ZNF354C: variants seen among roughly 807,000 people sequenced by gnomAD.
The protein encoded by ZNF354C is zinc finger protein 354C, also known as KRAB-zinc finger protein synten.
A neutral mutation model predicts 12.4 loss-of-function variants in ZNF354C; 7 were observed. The observed-to-expected ratio is 0.56, with a 90% CI of 0.32 to 1.06. The LOEUF is 1.06. Ranked by LOEUF, ZNF354C falls within the 50% of genes least tolerant of loss-of-function variation. ZNF354C has a pLI of 0.04. For missense variants in ZNF354C, 609 were observed against 658.0 expected (o/e 0.93, Z 0.81); for synonymous variants, 202 against 224.5 (o/e 0.90, Z 0.90).
intron 2 of ZNF354C, among the ~76,000 whole-genome samples, chr5:179,071,991 CAG>C (rs1303839720): frequency 3.3e-5 from 5 of 152,080 alleles, no homozygotes; most frequent in African/African-American, 1.2e-4. Context: ...TAACAAAATC[CAG>C]AGTTTCTACA....
chr5:179,072,603 G>C (rs184414569), intron 2 of ZNF354C, among the ~76,000 whole-genome samples: 4 of 152,154 alleles, frequency 2.6e-5, no homozygotes, highest in African/African-American at 9.6e-5. Flanking sequence ...TAAATACAAA[G>C]GAAGTCACAG....
chr5:179,069,561 CAAAAAAAAA>C (rs761235131), intron 2 of ZNF354C, among the ~76,000 whole-genome samples: 5 of 77,648 alleles, frequency 6.4e-5, no homozygotes, highest in African/African-American at 2.6e-4. Flanking sequence ...GACTCCATCT[CAAAAAAAAA>C]AAAAAAAAAG....
chr5:179,077,051 A>G lies in ZNF354C; in HGVS notation c.155-20A>G. On this transcript the variant is annotated intron_variant, in intron 3 of 4. Transcript: ENST00000315475. ...TCTTCATGCTATTTGTTCAAACTTC[A>G]TTTGCTTCCTCATGAGCAGGGATTC... is the stretch of plus-strand genomic sequence containing the variant. The G allele has an allele frequency of 1.2e-6, 2 of 1,610,238 alleles. No homozygotes were observed. The highest frequency in any genetic ancestry group is 1.7e-6 in the Non-Finnish European group (2 of 1,176,948).
In ZNF354C at chr5:179,080,324, A is replaced by T. The variant is rs1471778293; in HGVS notation, c.*227A>T. 1 of 292,368 alleles carries T rather than the reference A, an allele frequency of 3.4e-6. No homozygotes were observed. The highest frequency in any genetic ancestry group is 6.2e-6 in the Non-Finnish European group (1 of 160,164). 18.1% of individuals were successfully genotyped at this position (292,368 alleles called of 1,614,324 possible). A position where few individuals can be genotyped will look rare whatever the true frequency, so the allele number is the denominator to read the frequency against. On this transcript the variant is annotated 3_prime_UTR_variant, in exon 5 of 5. Transcript: ENST00000315475. The stretch of plus-strand genomic sequence containing the variant: ...CTAAAAACCTATGAGTATTTAATTC[A>T]TAGAAAAAATGTAAAAGGTCTTTTT...
chr5:179,069,576 AAAAG>A (rs1358190190), intron 2 of ZNF354C, among the ~76,000 whole-genome samples: 8 of 149,914 alleles, frequency 5.3e-5, no homozygotes, highest in Non-Finnish European at 8.9e-5. Flanking sequence ...AAAAAAAAAA[AAAAG>A]AAAGGCCGGG....
rs35150890 is a variant in ZNF354C at position 179,064,517 on chromosome 5, C to T, written c.27+2422C>T. ...CTGCAAGCTCCGCCTCCCGGGTTCACGCCATTCTCCTGCCTCAGCCTCCCG... is the reference window on the plus strand; with the variant it reads ...CTGCAAGCTCCGCCTCCCGGGTTCATGCCATTCTCCTGCCTCAGCCTCCCG... On this transcript the variant is annotated intron_variant, in intron 2 of 4. Coordinates refer to ENST00000315475, the MANE Select transcript of ZNF354C (RefSeq NM_014594.3). 1.3e-3 allele frequency among the ~76,000 whole-genome samples: 193 copies of T among 152,000 alleles called. 2 individuals are homozygous for T. Among genetic ancestry groups the T allele is most frequent in the Middle Eastern group, 3.4e-3 (1 of 292 alleles).
At position 179,060,932 on chromosome 5, in the gene ZNF354C, C is replaced by T. The variant is rs1009928345; in HGVS notation, c.-55+266C>T. ...GAGGCAGAGTGGCGAGGTCATTGCC[C>T]CAGATGTAACTGGGGCCTGGGGCTA... is the stretch of plus-strand genomic sequence containing the variant. On this transcript the variant is annotated intron_variant, in intron 1 of 4. Transcript: ENST00000315475. This position sits in a 1 kb window ranked among gnomAD's most constrained non-coding sequence, Gnocchi z 4.2. 7.9e-5 allele frequency among the ~76,000 whole-genome samples: 12 copies of T among 152,176 alleles called. No individual in the cohort carries two copies. Among genetic ancestry groups the T allele is most frequent in the African/African-American group, 2.9e-4 (12 of 41,448 alleles).
rs1442119743 is a variant in ZNF354C at position 179,080,001 on chromosome 5, C to CT, written c.1570dup (p.Tyr524LeufsTer2). 1 of 1,613,758 alleles carries CT rather than the reference C, an allele frequency of 6.2e-7. No homozygotes were observed. Among genetic ancestry groups the CT allele is most frequent in the Non-Finnish European group, 8.5e-7 (1 of 1,179,918 alleles). On this transcript the variant is annotated frameshift_variant, in exon 5 of 5. Coordinates refer to ENST00000315475, the MANE Select transcript of ZNF354C (RefSeq NM_014594.3). LOFTEE classifies it low-confidence loss of function (END_TRUNC). ...AAAAAGTTCACACGAAAGAGAAACTCTATAAGTGGAAGGAATATGGGAAAC... is the reference window on the plus strand; with the variant it reads ...AAAAAGTTCACACGAAAGAGAAACTCTTATAAGTGGAAGGAATATGGGAAAC...
rs1014474856 is a variant in ZNF354C, at chr5:179,080,174, T to C, written c.*77T>C. The C allele has an allele frequency of 1.1e-5, 12 of 1,134,970 alleles. No individual in the cohort carries two copies. The highest frequency in any genetic ancestry group is 1.5e-5 in the Non-Finnish European group (12 of 809,910). 70.3% of individuals were successfully genotyped at this position (1,134,970 alleles called of 1,614,324 possible). On this transcript the variant is annotated 3_prime_UTR_variant, in exon 5 of 5. Transcript: ENST00000315475. Reference sequence around the variant, plus strand: ...AATAGGGTACAAACTCCTAATAGATTTGTCTTTTTTACTTCTCCTGAAGGA... The same window carrying C: ...AATAGGGTACAAACTCCTAATAGATCTGTCTTTTTTACTTCTCCTGAAGGA...
At chr5:179,062,168 CT>C in intron 2 of ZNF354C, 73 bp downstream of exon 2, 5 of 1,590,998 alleles carry the variant, frequency 3.1e-6, no homozygotes, top group Non-Finnish European at 4.3e-6. Flanking sequence ...TGTTTCCAGA[CT>C]TTGTCCAGGT....
intron 2 of ZNF354C, among the ~76,000 whole-genome samples, chr5:179,074,069 T>C (rs1762082012): frequency 6.6e-6 from 1 of 151,914 alleles, no homozygotes. Flanking sequence ...CTGCAACCTC[T>C]ACCTCCCGGT....
chr5:179,067,256 A>G (rs575485661), intron 2 of ZNF354C, among the ~76,000 whole-genome samples: 2 of 152,208 alleles, frequency 1.3e-5, no homozygotes, highest in African/African-American at 4.8e-5. Context: ...CATTGCTGTG[A>G]TCACAGATAG....
rs768956654 is a variant in ZNF354C, at chr5:179,077,207, T to C, written c.250+41T>C. 13 of 1,518,068 alleles carry C rather than the reference T, an allele frequency of 8.6e-6. No homozygotes were observed. The South Asian group carries it at 1.0e-4, about 12-fold the overall frequency. 94.0% of individuals were successfully genotyped at this position (1,518,068 alleles called of 1,614,324 possible). ...GGAAATGGGCACAAGGGGTTCTTTA[T>C]AGACAAGTAGGTCACAAAGAGGCAG... is the stretch of plus-strand genomic sequence containing the variant. On this transcript the variant is annotated intron_variant, in intron 4 of 4. Transcript: ENST00000315475.
rs115721748 is a variant in ZNF354C at position 179,078,947 on chromosome 5, A to G, written c.515A>G (p.Asn172Ser). 864 of 1,614,062 alleles carry G rather than the reference A, an allele frequency of 5.4e-4. 4 individuals carry two copies. The African/African-American group carries it at 0.01, about 19-fold the overall frequency. Residue 172 changes from asparagine (N) to serine (S), a missense_variant, in exon 5 of 5, where the codon AAT becomes AGT. Coordinates refer to ENST00000315475, the MANE Select transcript of ZNF354C (RefSeq NM_014594.3). ...SLELGKSLFT[N>S]TALVTQQSVP... ...GAATTGGGGAAAAGCTTATTTACAAATACAGCTCTTGTCACACAACAGAGT... is the reference window on the plus strand; with the variant it reads ...GAATTGGGGAAAAGCTTATTTACAAGTACAGCTCTTGTCACACAACAGAGT...
chr5:179,076,334 G>A (rs1032643225), intron 2 of ZNF354C, 111 bp from the exon 3 acceptor site: 25 of 1,503,040 alleles, frequency 1.7e-5, no homozygotes, highest in African/African-American at 1.5e-4. Context: ...AACAGTTGAC[G>A]TGAATTATTA....
chr5:179,077,962 C>G (rs1319069230), intron 4 of ZNF354C, among the ~76,000 whole-genome samples: 1 of 151,994 alleles, frequency 6.6e-6, no homozygotes, highest in Non-Finnish European at 1.5e-5. Context: ...CATGCCACCA[C>G]GCCTAGCTAA....
intron 2 of ZNF354C, among the ~76,000 whole-genome samples, chr5:179,066,189 G>C (rs1761956021): frequency 6.6e-6 from 1 of 151,956 alleles, no homozygotes. Context: ...CTTTTTTTTA[G>C]TGGTTACCCT....
chr5:179,080,217 T>TAA lies in ZNF354C; in HGVS notation c.*121_*122dup, dbSNP rs1241525731. ...CTGAAGGAAATATGTTAGTTGCCAC[T>TAA]AAGTCATGATAAAATTGATCAGTGA... On this transcript the variant is annotated 3_prime_UTR_variant, in exon 5 of 5. Coordinates refer to ENST00000315475, the MANE Select transcript of ZNF354C (RefSeq NM_014594.3). 1.2e-5 allele frequency: 8 copies of TAA among 669,518 alleles called. No homozygotes were observed. Among genetic ancestry groups the TAA allele is most frequent in the African/African-American group, 5.5e-5 (3 of 54,318 alleles). 41.5% of individuals were successfully genotyped at this position (669,518 alleles called of 1,614,324 possible). A position where few individuals can be genotyped will look rare whatever the true frequency, so the allele number is the denominator to read the frequency against.
In ZNF354C at chr5:179,082,616, C is replaced by T. The variant is rs1175546221; in HGVS notation, c.*2519C>T. ...GAAGAGGGAGATATTCAGAAACCTT[C>T]ACCAGATTCCTCCCAACTTGATCAT... On this transcript the variant is annotated 3_prime_UTR_variant, in exon 5 of 5. Transcript: ENST00000315475. 3 of 1,303,512 alleles carry T rather than the reference C, an allele frequency of 2.3e-6. No homozygotes were observed. Among genetic ancestry groups the T allele is most frequent in the African/African-American group, 2.9e-5 (2 of 67,886 alleles). 80.7% of individuals were successfully genotyped at this position (1,303,512 alleles called of 1,614,324 possible).
Sources: allele counts gnomAD v4.1 joint callset (sites outside exome capture counted in the v4.1 genomes callset), GRCh38; gene constraint gnomAD v4.1.1; non-coding constraint Gnocchi (gnomAD v3.1); transcripts MANE v1.5; gene names NCBI Gene and HGNC (gene_info 2026-07-23, HGNC 2026-07-21).